Variants in NINJ2 observed in about 807,000 individuals in gnomAD.
The protein encoded by NINJ2 is ninjurin 2.
Under a neutral mutation model 11.7 loss-of-function variants are expected in NINJ2, and 12 were observed. The observed-to-expected ratio is 1.02, with a 90% CI of 0.66 to 1.66. NINJ2 has a LOEUF of 1.66. Ranked by LOEUF, NINJ2 falls within the 40% of genes most tolerant of loss-of-function variation. The pLI is 0.00. For synonymous variants in NINJ2, 93 were observed against 76.8 expected (o/e 1.21, Z -1.10); for missense variants, 187 against 181.8 (o/e 1.03, Z -0.16).
intron 1 of NINJ2, among the ~76,000 whole-genome samples, chr12:582,312 A>G (rs1391116634): frequency 1.0e-5 from 1 of 99,676 alleles, no homozygotes; most frequent in Non-Finnish European, 2.1e-5. Context: ...CAGGCATGCT[A>G]GAGTGAATGA....
At chr12:619,788 T>C (rs1167174752) in intron 1 of NINJ2, among the ~76,000 whole-genome samples, 1 of 152,240 alleles carries the variant, frequency 6.6e-6, no homozygotes, top group Non-Finnish European at 1.5e-5. Context: ...TAGTATTGCA[T>C]AGTGACTACC....
intron 1 of NINJ2, among the ~76,000 whole-genome samples, chr12:574,545 A>T (rs1947425950): frequency 6.6e-6 from 1 of 151,712 alleles, no homozygotes; most frequent in African/African-American, 2.4e-5. Flanking sequence ...GGATTAAAAA[A>T]AAAAAAAAGG....
intron 1 of NINJ2, among the ~76,000 whole-genome samples, chr12:624,783 TG>T (rs1948192594): frequency 2.2e-5 from 3 of 135,336 alleles, no homozygotes; most frequent in South Asian, 2.4e-4. Context: ...CACTCCAACC[TG>T]GGAGACAGAG....
intron 1 of NINJ2, among the ~76,000 whole-genome samples, chr12:600,653 G>GGGGT (rs1190436990): frequency 5.6e-5 from 8 of 142,036 alleles, no homozygotes; most frequent in African/African-American, 1.3e-4. Context: ...ATTTTTTTGG[G>GGGGT]GTGTGTGTGT....
intron 1 of NINJ2, among the ~76,000 whole-genome samples, chr12:568,648 G>C (rs923862321): frequency 6.6e-6 from 1 of 152,254 alleles, no homozygotes; most frequent in Non-Finnish European, 1.5e-5. Context: ...CAGGCCATCA[G>C]CTTTCTACAC....
intron 1 of NINJ2, among the ~76,000 whole-genome samples, chr12:590,464 T>C (rs890556734): frequency 6.6e-6 from 1 of 152,186 alleles, no homozygotes; most frequent in South Asian, 2.1e-4. Context: ...TGTGCCTTCA[T>C]AGTCTAAAAA....
chr12:629,997 A>C (rs1260030104), intron 1 of NINJ2, among the ~76,000 whole-genome samples: 1 of 147,524 alleles, frequency 6.8e-6, no homozygotes, highest in Admixed American at 6.9e-5. Flanking sequence ...GGGGCAAGAC[A>C]ATTCTTCCAA....
At chr12:629,560 G>T (rs189993389) in intron 1 of NINJ2, among the ~76,000 whole-genome samples, 1 of 152,048 alleles carries the variant, frequency 6.6e-6, no homozygotes, top group African/African-American at 2.4e-5. Context: ...CTTTGAACGC[G>T]GCCCAAAACA....
At chr12:600,982 A>T (rs1947859085) in intron 1 of NINJ2, among the ~76,000 whole-genome samples, 1 of 152,212 alleles carries the variant, frequency 6.6e-6, no homozygotes. Context: ...TCAATAGTTA[A>T]AACACTCCCA....
intron 1 of NINJ2, among the ~76,000 whole-genome samples, chr12:579,529 C>T (rs534319196): frequency 6.1e-5 from 9 of 146,730 alleles, no homozygotes; most frequent in Admixed American, 4.8e-4. Context: ...CAAAACAAAA[C>T]AACTGCCTTC....
rs1482846657 is a variant in NINJ2, at chr12:580,749, G to A, written c.34-14571C>T. On this transcript the variant is annotated intron_variant, in intron 1 of 3. Coordinates refer to ENST00000305108, the MANE Select transcript of NINJ2 (RefSeq NM_016533.6). This position sits in a 1 kb window ranked among gnomAD's most constrained non-coding sequence, Gnocchi z 4.7. ...TATAGTATACAAACACCTCGACTGC[G>A]CTGCTGACTCCCCTCCATATGCCAC... is the stretch of plus-strand genomic sequence containing the variant. Among the ~76,000 whole-genome samples the A allele has an allele frequency of 6.6e-6, 1 of 152,054 alleles. No homozygotes were observed. The highest frequency in any genetic ancestry group is 1.5e-5 in the Non-Finnish European group (1 of 68,014).
intron 1 of NINJ2, among the ~76,000 whole-genome samples, chr12:568,159 A>G (rs1947327775): frequency 6.6e-6 from 1 of 152,192 alleles, no homozygotes; most frequent in African/African-American, 2.4e-5. Flanking sequence ...TGGACTAATT[A>G]TATATATAGT....
At position 633,636 on chromosome 12, in the gene NINJ2, C is replaced by CA. The variant is rs1286707818; in HGVS notation, c.33+29691dup. On this transcript the variant is annotated intron_variant, in intron 1 of 3. Transcript: ENST00000305108. The surrounding 1 kb of genome is among the most constrained non-coding windows in gnomAD (Gnocchi z 4.3). The stretch of plus-strand genomic sequence containing the variant: ...TTCAAGACCAGCCTGGCCAACACGG[C>CA]AAAATCCCGTCTCTACTAAAATACA... Among the ~76,000 whole-genome samples the CA allele has an allele frequency of 3.9e-5, 6 of 152,116 alleles. No homozygotes were observed. Among genetic ancestry groups the CA allele is most frequent in the Non-Finnish European group, 8.8e-5 (6 of 68,020 alleles).
chr12:575,155 C>G (rs1355295090), intron 1 of NINJ2, among the ~76,000 whole-genome samples: 1 of 152,248 alleles, frequency 6.6e-6, no homozygotes, highest in African/African-American at 2.4e-5. Context: ...CAGCCTCTCT[C>G]CTCGCTCCTG....
chr12:601,261 A>G (rs1315600432), intron 1 of NINJ2, among the ~76,000 whole-genome samples: 3 of 152,216 alleles, frequency 2.0e-5, no homozygotes, highest in Non-Finnish European at 4.4e-5. Flanking sequence ...AAAAAAATAA[A>G]ACAGGCCGGG....
chr12:600,297 T>C (rs1392005858), intron 1 of NINJ2, among the ~76,000 whole-genome samples: 1 of 152,156 alleles, frequency 6.6e-6, no homozygotes, highest in African/African-American at 2.4e-5. Context: ...CTTAGGCCTG[T>C]AATCCTAACA....
chr12:655,068 C>A (rs2120537125), intron 1 of NINJ2, among the ~76,000 whole-genome samples: 1 of 152,196 alleles, frequency 6.6e-6, no homozygotes, highest in African/African-American at 2.4e-5. Context: ...ATAATTTCCT[C>A]AATTTGATAA....
intron 1 of NINJ2, chr12:610,630 TA>T: frequency 2.0e-6 from 2 of 985,176 alleles, no homozygotes; most frequent in Non-Finnish European, 2.4e-6. Context: ...GGCAGGGACT[TA>T]ATATGTGGCT....
In NINJ2 at chr12:591,789, G is replaced by T. The variant is rs1947719332; in HGVS notation, c.34-25611C>A. On this transcript the variant is annotated intron_variant, in intron 1 of 3. Coordinates refer to ENST00000305108, the MANE Select transcript of NINJ2 (RefSeq NM_016533.6). This position sits in a 1 kb window ranked among gnomAD's most constrained non-coding sequence, Gnocchi z 5.0. ...TGGGAGCTGGCTGCAAGGGCCAAGGGTGTTTCTTTAGAGATATTTCTCAGG... is the reference window on the plus strand; with the variant it reads ...TGGGAGCTGGCTGCAAGGGCCAAGGTTGTTTCTTTAGAGATATTTCTCAGG... Among the ~76,000 whole-genome samples the T allele has an allele frequency of 6.6e-6, 1 of 152,190 alleles. No individual in the cohort carries two copies. Among genetic ancestry groups the T allele is most frequent in the Middle Eastern group, 3.2e-3 (1 of 316 alleles).
Sources: allele counts gnomAD v4.1 joint callset (sites outside exome capture counted in the v4.1 genomes callset), GRCh38; gene constraint gnomAD v4.1.1; non-coding constraint Gnocchi (gnomAD v3.1); transcripts MANE v1.5; gene names NCBI Gene and HGNC (gene_info 2026-07-23, HGNC 2026-07-21).